The following RAB6B variants were observed in gnomAD, a reference collection of about 807,000 sequenced individuals.
RAB6B encodes the protein ras-related protein Rab-6B.
A neutral mutation model predicts 31.2 loss-of-function variants in RAB6B; 7 were observed. That is an observed-to-expected ratio of 0.22 (90% CI 0.13 to 0.42). RAB6B has a LOEUF of 0.42. Ranked by LOEUF, RAB6B falls within the 10% of genes least tolerant of loss-of-function variation. The probability of loss-of-function intolerance (pLI) is 1.00; values close to 1 mark genes in which losing one functional copy is unlikely to be tolerated. For synonymous variants in RAB6B, 105 were observed against 104.9 expected (o/e 1.00, Z -0.01); for missense variants, 149 against 280.6 (o/e 0.53, Z 3.35).
chr3:133,881,862 A>T (rs1004331480), intron 1 of RAB6B, among the ~76,000 whole-genome samples: 15 of 152,228 alleles, frequency 9.9e-5, no homozygotes, highest in Admixed American at 7.8e-4. Context: ...TTCCTCTAAA[A>T]TCTTCACCCT....
At chr3:133,876,890 A>G (rs1344285838) in intron 1 of RAB6B, among the ~76,000 whole-genome samples, 1 of 152,112 alleles carries the variant, frequency 6.6e-6, no homozygotes, top group Admixed American at 6.5e-5. Flanking sequence ...CTATAAACAA[A>G]TGAATACACA....
chr3:133,828,115 G>T lies in RAB6B; in HGVS notation c.*673C>A. ...GGAGAGGTGGGAGCAGTTCCTCTGG[G>T]GGCTGCTGCCGGGCTGCCTAGAGCC... is the stretch of plus-strand genomic sequence containing the variant. On this transcript the variant is annotated 3_prime_UTR_variant, in exon 8 of 8. Transcript: ENST00000285208. 7.9e-6 allele frequency: 5 copies of T among 636,764 alleles called. No individual in the cohort carries two copies. The highest frequency in any genetic ancestry group is 2.7e-5 in the East Asian group (1 of 36,498). The allele number at this position is 636,764 out of a possible 1,614,324, so 39.4% of individuals were successfully genotyped here. A position where few individuals can be genotyped will look rare whatever the true frequency, so the allele number is the denominator to read the frequency against.
intron 1 of RAB6B, among the ~76,000 whole-genome samples, chr3:133,874,800 AT>A (rs34218354): frequency 0.42 from 62,526 of 148,882 alleles, 13,808 homozygotes; most frequent in African/African-American, 0.6. Context: ...TTGTCTATTA[AT>A]TTTTTTTTTT....
chr3:133,857,426 GAAAAAA>G (rs71136497), intron 2 of RAB6B, among the ~76,000 whole-genome samples: 2 of 119,824 alleles, frequency 1.7e-5, no homozygotes, highest in African/African-American at 3.2e-5. Context: ...TTTTTGAAGG[GAAAAAA>G]AAAAAAAAAA....
At chr3:133,856,980 C>T (rs73861239) in intron 2 of RAB6B, among the ~76,000 whole-genome samples, 5,712 of 152,244 alleles carry the variant, frequency 0.038, 337 homozygotes, top group African/African-American at 0.13. Context: ...TAGAGTTAAC[C>T]GAGGACTGCA....
rs547394454 is a variant in RAB6B, at chr3:133,838,429, A to T, written c.402-170T>A. ...CCCGGGCACCAACCACAGTCTCGCTAGCACAAAGCAGGCACCAGGGAACAG... is the reference window on the plus strand; with the variant it reads ...CCCGGGCACCAACCACAGTCTCGCTTGCACAAAGCAGGCACCAGGGAACAG... On this transcript the variant is annotated intron_variant, in intron 5 of 7. Coordinates refer to ENST00000285208, the MANE Select transcript of RAB6B (RefSeq NM_016577.4). 2.6e-5 allele frequency among the ~76,000 whole-genome samples: 4 copies of T among 152,300 alleles called. No individual in the cohort carries two copies. In the East Asian group the frequency reaches 7.7e-4, roughly 29 times the overall value.
chr3:133,883,687 T>G (rs1936500265), intron 1 of RAB6B, among the ~76,000 whole-genome samples: 1 of 152,258 alleles, frequency 6.6e-6, no homozygotes, highest in African/African-American at 2.4e-5. Flanking sequence ...GTGCCTCACT[T>G]ACTGTTTAGT....
chr3:133,838,378 G>A, intron 5 of RAB6B, 119 bp from the exon 6 acceptor site: 1 of 869,462 alleles, frequency 1.2e-6, no homozygotes, highest in South Asian at 1.4e-5. Flanking sequence ...CAGTCCTGAA[G>A]ACAGGCTCTG....
chr3:133,881,504 G>A (rs1049782926), intron 1 of RAB6B, among the ~76,000 whole-genome samples: 4 of 152,240 alleles, frequency 2.6e-5, no homozygotes, highest in Non-Finnish European at 4.4e-5. Flanking sequence ...GTGCCAAGGA[G>A]CAGCAGAGAG....
At chr3:133,833,055 G>A (rs974456074) in intron 7 of RAB6B, among the ~76,000 whole-genome samples, 1 of 152,210 alleles carries the variant, frequency 6.6e-6, no homozygotes, top group South Asian at 2.1e-4. Context: ...AGAGCGGGCA[G>A]TGCAACCCTT....
chr3:133,855,145 T>A (rs940039920), intron 2 of RAB6B, among the ~76,000 whole-genome samples: 1 of 152,240 alleles, frequency 6.6e-6, no homozygotes, highest in Non-Finnish European at 1.5e-5. Flanking sequence ...AATGAAAGTA[T>A]CAGGGTAAAG....
intron 2 of RAB6B, among the ~76,000 whole-genome samples, chr3:133,843,874 C>A (rs972746197): frequency 6.6e-5 from 10 of 152,176 alleles, no homozygotes; most frequent in Non-Finnish European, 1.0e-4. Flanking sequence ...GGAGCGATGA[C>A]ATCAACGAAG....
intron 2 of RAB6B, among the ~76,000 whole-genome samples, chr3:133,859,918 G>T (rs1161508395): frequency 6.6e-6 from 1 of 152,200 alleles, no homozygotes; most frequent in African/African-American, 2.4e-5. Flanking sequence ...ACAAAGAAAT[G>T]ATCTGGAGAC....
chr3:133,877,042 G>C (rs79367511), intron 1 of RAB6B, among the ~76,000 whole-genome samples: 1,564 of 152,290 alleles, frequency 0.01, 25 homozygotes, highest in African/African-American at 0.036. Context: ...ATTAGGTAAT[G>C]ATGACCCCTG....
At chr3:133,869,273 G>A (rs1275853328) in intron 1 of RAB6B, among the ~76,000 whole-genome samples, 1 of 152,258 alleles carries the variant, frequency 6.6e-6, no homozygotes, top group Non-Finnish European at 1.5e-5. Context: ...GGCAAGTGAA[G>A]CCAGACAGTG....
intron 7 of RAB6B, among the ~76,000 whole-genome samples, chr3:133,829,626 A>AG (rs1491402713): frequency 5.9e-5 from 9 of 152,082 alleles, no homozygotes; most frequent in Non-Finnish European, 1.2e-4. Flanking sequence ...GCCTTAAGAC[A>AG]GGGGTGTGTG....
intron 7 of RAB6B, among the ~76,000 whole-genome samples, chr3:133,829,298 C>A (rs946191061): frequency 1.3e-5 from 2 of 152,186 alleles, no homozygotes; most frequent in Non-Finnish European, 2.9e-5. Context: ...CAGGAGCAAA[C>A]CCTTCAAGCT....
intron 1 of RAB6B, among the ~76,000 whole-genome samples, chr3:133,885,350 C>T (rs1339802653): frequency 6.6e-6 from 1 of 151,244 alleles, no homozygotes; most frequent in Non-Finnish European, 1.5e-5. Context: ...ACTCACACAC[C>T]CAATGACCAG....
At chr3:133,892,921 A>AG (rs1936656512) in intron 1 of RAB6B, among the ~76,000 whole-genome samples, 1 of 152,234 alleles carries the variant, frequency 6.6e-6, no homozygotes, top group Non-Finnish European at 1.5e-5. Context: ...CATAAGGCTT[A>AG]GAGATGCACA....
Sources: gnomAD v4.1 joint callset for allele counts (sites outside exome capture counted in the v4.1 genomes callset) on GRCh38, gnomAD v4.1.1 for gene constraint, MANE v1.5 for transcripts, NCBI Gene and HGNC (gene_info 2026-07-23, HGNC 2026-07-21) for gene names.